PDE4D: variants seen among roughly 807,000 people sequenced by gnomAD.
PDE4D encodes phosphodiesterase 4D.
A neutral mutation model predicts 87.4 loss-of-function variants in PDE4D; 24 were observed. That is an observed-to-expected ratio of 0.27 (90% CI 0.20 to 0.39). The LOEUF is 0.39. PDE4D is among the 10% of genes least tolerant of loss of function. The pLI is 1.00. For missense variants in PDE4D, 714 were observed against 1,041.0 expected (o/e 0.69, Z 4.32); for synonymous variants, 384 against 383.2 (o/e 1.00, Z -0.02).
At chr5:59,288,366 G>C (rs752789758) in intron 1 of PDE4D, among the ~76,000 whole-genome samples, 8 of 151,810 alleles carry the variant, frequency 5.3e-5, no homozygotes, top group African/African-American at 1.9e-4. Context: ...AGAAAGAACT[G>C]TGAGCTTGAA....
chr5:59,160,661 G>A (rs537995486), intron 5 of PDE4D, among the ~76,000 whole-genome samples: 1 of 152,100 alleles, frequency 6.6e-6, no homozygotes, highest in South Asian at 2.1e-4. Context: ...TGATTTTAAG[G>A]AACAGACAAA....
At chr5:60,458,537 C>A (rs1471687527) in intron 1 of PDE4D, among the ~76,000 whole-genome samples, 5 of 151,986 alleles carry the variant, frequency 3.3e-5, no homozygotes, top group Admixed American at 6.6e-5. Context: ...TTTTTCAAGA[C>A]ATAAGTCAGC....
intron 1 of PDE4D, among the ~76,000 whole-genome samples, chr5:59,292,260 T>G (rs1238622904): frequency 6.6e-6 from 1 of 152,168 alleles, no homozygotes; most frequent in Non-Finnish European, 1.5e-5. Context: ...CTTTTTCTTG[T>G]TATCTTACAG....
chr5:59,738,298 ATT>A (rs1758362603), intron 1 of PDE4D, among the ~76,000 whole-genome samples: 3 of 152,182 alleles, frequency 2.0e-5, no homozygotes, highest in Non-Finnish European at 2.9e-5. Context: ...CTGTTGTCAG[ATT>A]TGCAGAATAT....
At chr5:59,668,845 G>GGAAGAAGAAGAAGAAGAA (rs1208323931) in intron 1 of PDE4D, among the ~76,000 whole-genome samples, 34 of 62,172 alleles carry the variant, frequency 5.5e-4, no homozygotes, top group Non-Finnish European at 7.6e-4. Context: ...AAGAGGAAGA[G>GGAAGAAGAAGAAGAAGAA]GAAGAAGAAG....
intron 2 of PDE4D, among the ~76,000 whole-genome samples, chr5:60,119,399 A>G (rs553418384): frequency 5.8e-4 from 89 of 152,300 alleles, no homozygotes; most frequent in African/African-American, 2.1e-3. Flanking sequence ...CTGTAACCAA[A>G]GGCTGGATAT....
chr5:59,710,227 C>T (rs1754012272), intron 1 of PDE4D, among the ~76,000 whole-genome samples: 1 of 152,086 alleles, frequency 6.6e-6, no homozygotes, highest in African/African-American at 2.4e-5. Flanking sequence ...AATTTTTCAG[C>T]TGAGTTTTAT....
chr5:60,374,927 A>G (rs1761319498), intron 1 of PDE4D, among the ~76,000 whole-genome samples: 2 of 152,176 alleles, frequency 1.3e-5, no homozygotes, highest in African/African-American at 4.8e-5. Context: ...GGAATTTTAC[A>G]GTGCAACAAA....
At position 59,480,196 on chromosome 5, in the gene PDE4D, C is replaced by CT. The variant is rs371840329; in HGVS notation, c.456-264229dup. ...TTCATGAATATTATAGTACTCCAAGCTTTTTTTTTTAATTCAAACTGTTCA... is the reference window on the plus strand; with the variant it reads ...TTCATGAATATTATAGTACTCCAAGCTTTTTTTTTTTAATTCAAACTGTTCA... On this transcript the variant is annotated intron_variant, in intron 1 of 14. Coordinates refer to ENST00000340635, the MANE Select transcript of PDE4D (RefSeq NM_001104631.2). 2.8e-3 allele frequency among the ~76,000 whole-genome samples: 412 copies of CT among 145,858 alleles called. 2 individuals are homozygous for CT. The highest frequency in any genetic ancestry group is 9.8e-3 in the African/African-American group (392 of 39,866).
intron 1 of PDE4D, chr5:59,587,383 C>G: frequency 1.1e-6 from 1 of 913,930 alleles, no homozygotes; most frequent in Non-Finnish European, 1.3e-6. Flanking sequence ...ATTCAGTTTT[C>G]CAATAGGTGT....
chr5:60,325,635 A>T (rs1211839775), intron 1 of PDE4D, among the ~76,000 whole-genome samples: 1 of 152,104 alleles, frequency 6.6e-6, no homozygotes, highest in Non-Finnish European at 1.5e-5. Flanking sequence ...ATAATTGTAG[A>T]TTCACATGCA....
At chr5:59,719,285 A>G (rs1276012627) in intron 1 of PDE4D, among the ~76,000 whole-genome samples, 1 of 152,120 alleles carries the variant, frequency 6.6e-6, no homozygotes, top group East Asian at 1.9e-4. Flanking sequence ...ATTTCAAGCT[A>G]CCAATGTGAT....
intron 1 of PDE4D, among the ~76,000 whole-genome samples, chr5:59,434,861 A>G (rs1324470800): frequency 1.3e-5 from 2 of 152,156 alleles, no homozygotes; most frequent in African/African-American, 4.8e-5. Flanking sequence ...TAGTCAATAG[A>G]TAATAGCTAA....
intron 1 of PDE4D, among the ~76,000 whole-genome samples, chr5:59,547,984 G>T (rs1817551768): frequency 2.6e-5 from 4 of 152,164 alleles, no homozygotes; most frequent in Admixed American, 2.6e-4. Flanking sequence ...GCCTTGTGCT[G>T]TCTGAGCTTT....
At chr5:60,181,382 C>T (rs1386101379) in intron 2 of PDE4D, among the ~76,000 whole-genome samples, 2 of 151,942 alleles carry the variant, frequency 1.3e-5, no homozygotes, top group Admixed American at 1.3e-4. Context: ...GGGCTCCTAG[C>T]CCCCAGACTC....
intron 6 of PDE4D, among the ~76,000 whole-genome samples, chr5:59,027,900 C>T (rs1389657095): frequency 6.6e-6 from 1 of 151,706 alleles, no homozygotes; most frequent in Non-Finnish European, 1.5e-5. Context: ...TAGACCCTCT[C>T]GGCTGATAGA....
chr5:59,586,546 T>C (rs1298603259), intron 1 of PDE4D: 16 of 1,385,510 alleles, frequency 1.2e-5, no homozygotes, highest in East Asian at 2.6e-5. Flanking sequence ...TAAAAACAAA[T>C]AGCAATTACA....
chr5:59,001,234 A>G (rs1204058190), intron 6 of PDE4D, among the ~76,000 whole-genome samples: 1 of 152,208 alleles, frequency 6.6e-6, no homozygotes, highest in Non-Finnish European at 1.5e-5. Flanking sequence ...ATTTTAGCAT[A>G]TAATTCTGTG....
intron 5 of PDE4D, among the ~76,000 whole-genome samples, chr5:59,082,169 T>C (rs1420689522): frequency 2.0e-5 from 3 of 152,208 alleles, no homozygotes; most frequent in African/African-American, 7.2e-5. Flanking sequence ...TACAGTAGTA[T>C]ATCACACTTA....
Sources: gnomAD v4.1 joint callset for allele counts (sites outside exome capture counted in the v4.1 genomes callset) on GRCh38, gnomAD v4.1.1 for gene constraint, MANE v1.5 for transcripts, NCBI Gene and HGNC (gene_info 2026-07-23, HGNC 2026-07-21) for gene names.